ASPH: variants seen among roughly 807,000 people sequenced by gnomAD.
The protein encoded by ASPH is aspartate beta-hydroxylase, also known as aspartyl/asparaginyl beta-hydroxylase.
A neutral mutation model predicts 118.4 loss-of-function variants in ASPH; 100 were observed. That is an observed-to-expected ratio of 0.84 (90% CI 0.72 to 1.00). ASPH has a LOEUF of 1.00. Among genes scored for constraint, ASPH ranks in the 50% least tolerant of loss-of-function variants. The pLI, the probability that ASPH is intolerant of heterozygous loss-of-function variation, is 0.00. For synonymous variants in ASPH, 315 were observed against 325.6 expected (o/e 0.97, Z 0.35); for missense variants, 920 against 919.5 (o/e 1.00, Z -0.01).
chr8:61,616,010 T>C (rs537751320), intron 14 of ASPH, among the ~76,000 whole-genome samples: 2 of 152,260 alleles, frequency 1.3e-5, no homozygotes, highest in Admixed American at 6.5e-5. Flanking sequence ...TTAATAAATC[T>C]GTGATGACAT....
intron 14 of ASPH, among the ~76,000 whole-genome samples, chr8:61,599,742 G>A (rs1485675511): frequency 1.3e-5 from 2 of 151,462 alleles, no homozygotes; most frequent in East Asian, 3.9e-4. Context: ...ACCCTGAACA[G>A]ATCAATAACA....
intron 2 of ASPH, among the ~76,000 whole-genome samples, chr8:61,681,996 A>C (rs1828316829): frequency 6.6e-6 from 1 of 151,976 alleles, no homozygotes; most frequent in South Asian, 2.1e-4. Flanking sequence ...GTACTAAAAA[A>C]AAATTTTGGC....
At chr8:61,575,047 G>T (rs1297111464) in intron 16 of ASPH, among the ~76,000 whole-genome samples, 1 of 152,054 alleles carries the variant, frequency 6.6e-6, no homozygotes, top group Non-Finnish European at 1.5e-5. Context: ...TCTCTTGCCT[G>T]GATAGCTCCT....
At position 61,507,794 on chromosome 8, in the gene ASPH, T is replaced by A. The variant is rs1179938315; in HGVS notation, c.2127-4285A>T. Among the ~76,000 whole-genome samples the A allele has an allele frequency of 2.6e-5, 4 of 152,160 alleles. No individual in the cohort carries two copies. In the East Asian group the frequency reaches 7.7e-4, roughly 29 times the overall value. On this transcript the variant is annotated intron_variant, in intron 24 of 24. Transcript: ENST00000379454. ...GCTTTGTGAACAAAGCTCCATCAAA[T>A]AAGATTAAGTTACACTCGAATTACG...
chr8:61,667,042 A>C (rs1249953252), intron 3 of ASPH, among the ~76,000 whole-genome samples: 1 of 145,536 alleles, frequency 6.9e-6, no homozygotes, highest in Non-Finnish European at 1.5e-5. Context: ...ATTATTCAGA[A>C]GAGATAGGAG....
intron 1 of ASPH, among the ~76,000 whole-genome samples, chr8:61,701,186 G>A (rs1035756117): frequency 6.6e-6 from 1 of 152,198 alleles, no homozygotes; most frequent in South Asian, 2.1e-4. Context: ...AGTTGGTGAA[G>A]ATGTGAAATA....
At chr8:61,538,123 T>C (rs1210461796) in intron 21 of ASPH, among the ~76,000 whole-genome samples, 1 of 152,128 alleles carries the variant, frequency 6.6e-6, no homozygotes, top group Non-Finnish European at 1.5e-5. Context: ...ATTTTGAATT[T>C]AGAGATAAAA....
At chr8:61,531,141 C>T (rs553914218) in intron 21 of ASPH, among the ~76,000 whole-genome samples, 3 of 152,322 alleles carry the variant, frequency 2.0e-5, no homozygotes, top group South Asian at 2.1e-4. Flanking sequence ...GCACTTCATA[C>T]TATTTCTTCA....
At chr8:61,695,588 C>T (rs867709883) in intron 1 of ASPH, among the ~76,000 whole-genome samples, 10 of 152,210 alleles carry the variant, frequency 6.6e-5, no homozygotes, top group South Asian at 2.1e-4. Flanking sequence ...TCCTCACTTC[C>T]CTTACTCTCA....
At position 61,500,829 on chromosome 8, in the gene ASPH, T is replaced by C. The variant is rs181087874; in HGVS notation, c.*2530A>G. 6.6e-6 allele frequency: 1 copy of C among 152,336 alleles called. No individual in the cohort carries two copies. Among genetic ancestry groups the C allele is most frequent in the East Asian group, 1.9e-4 (1 of 5,186 alleles). The allele number at this position is 152,336 out of a possible 1,614,324, so 9.4% of individuals were successfully genotyped here. The stretch of plus-strand genomic sequence containing the variant: ...GGCAGTAAAATATGATTTTACATTA[T>C]TTTAAATATTTGGGAGAGTTAATTT... On this transcript the variant is annotated 3_prime_UTR_variant, in exon 25 of 25. Coordinates refer to ENST00000379454, the MANE Select transcript of ASPH (RefSeq NM_004318.4).
At chr8:61,506,261 T>TTAAATTTA (rs1319345621) in intron 24 of ASPH, among the ~76,000 whole-genome samples, 5 of 152,166 alleles carry the variant, frequency 3.3e-5, no homozygotes, top group Non-Finnish European at 1.5e-5. Context: ...ACATCTGAGG[T>TTAAATTTA]CCTAGACTAG....
chr8:61,664,048 C>T, intron 3 of ASPH: 1 of 955,874 alleles, frequency 1.0e-6, no homozygotes, highest in Non-Finnish European at 1.2e-6. Context: ...ATAAGGTTAA[C>T]ATTAAGAGAA....
intron 1 of ASPH, 80 bp from the exon 2 acceptor site, chr8:61,684,268 AT>A: frequency 7.0e-7 from 1 of 1,436,228 alleles, no homozygotes; most frequent in Non-Finnish European, 9.4e-7. Context: ...TTCTCCAATA[AT>A]TTGGGATTAT....
chr8:61,714,069 C>A (rs1180611886), intron 1 of ASPH, among the ~76,000 whole-genome samples, 200 bp downstream of exon 1: 1 of 152,212 alleles, frequency 6.6e-6, no homozygotes, highest in East Asian at 1.9e-4. Flanking sequence ...GGGCTCGGAC[C>A]CCGGTCCGCC....
chr8:61,512,475 CA>C (rs1586284320), intron 24 of ASPH, among the ~76,000 whole-genome samples: 2 of 152,176 alleles, frequency 1.3e-5, no homozygotes, highest in African/African-American at 4.8e-5. Context: ...GAAGCTAGGA[CA>C]GGGGAACAGA....
At chr8:61,546,223 C>A (rs1823804859) in intron 21 of ASPH, among the ~76,000 whole-genome samples, 2 of 152,226 alleles carry the variant, frequency 1.3e-5, no homozygotes, top group African/African-American at 2.4e-5. Flanking sequence ...AACATCTTCC[C>A]TTGATTATAC....
chr8:61,597,971 G>A (rs1842919907), intron 14 of ASPH, among the ~76,000 whole-genome samples: 1 of 152,122 alleles, frequency 6.6e-6, no homozygotes, highest in Non-Finnish European at 1.5e-5. Context: ...TAGTAGAGCA[G>A]ACAGACAAAT....
chr8:61,579,312 C>A, intron 15 of ASPH: 4 of 1,614,158 alleles, frequency 2.5e-6, no homozygotes, highest in Non-Finnish European at 3.4e-6. Context: ...GCGGGCCAAG[C>A]AGGACATGGC....
intron 14 of ASPH, among the ~76,000 whole-genome samples, chr8:61,601,517 G>A (rs1193450829): frequency 2.0e-5 from 3 of 149,794 alleles, no homozygotes; most frequent in African/African-American, 7.6e-5. Flanking sequence ...TCCAGCCTGG[G>A]TGACAGAGTG....
Sources: gnomAD v4.1 joint callset for allele counts (sites outside exome capture counted in the v4.1 genomes callset) on GRCh38, gnomAD v4.1.1 for gene constraint, MANE v1.5 for transcripts, NCBI Gene and HGNC (gene_info 2026-07-23, HGNC 2026-07-21) for gene names.